Variants in SLC75A1 observed in about 807,000 individuals in gnomAD.
SLC75A1 encodes the protein major facilitator superfamily domain containing 10.
the SLC75A1 span, chr4:2,931,734 C>CT: frequency 7.1e-6 from 11 of 1,548,272 alleles, no homozygotes; most frequent in African/African-American, 1.4e-5. Flanking sequence ...GCGAGAGTGG[C>CT]TGCCAAGGCT....
the SLC75A1 span, chr4:2,932,406 G>C: frequency 6.2e-7 from 1 of 1,613,676 alleles, no homozygotes; most frequent in South Asian, 1.1e-5. Flanking sequence ...CAGCAGGTCG[G>C]AGGCTGCGAA....
the SLC75A1 span, among the ~76,000 whole-genome samples, chr4:2,933,398 A>G: frequency 6.6e-6 from 1 of 152,322 alleles, no homozygotes; most frequent in South Asian, 2.1e-4. Flanking sequence ...TGACACGCGG[A>G]GGCAAGGGAT....
chr4:2,931,758 G>A, the SLC75A1 span: 1 of 1,539,732 alleles, frequency 6.5e-7, no homozygotes, highest in Non-Finnish European at 8.9e-7. Flanking sequence ...TGGGGATGGG[G>A]GTTGCTTCCC....
chr4:2,933,876 G>A, the SLC75A1 span: 1 of 1,582,308 alleles, frequency 6.3e-7, no homozygotes, highest in African/African-American at 1.3e-5. Flanking sequence ...GCGGCTGCTG[G>A]TGGATGGGTG....
the SLC75A1 span, chr4:2,932,492 G>A: frequency 2.5e-6 from 4 of 1,613,778 alleles, no homozygotes; most frequent in South Asian, 4.4e-5. Flanking sequence ...AGCCCAGTGA[G>A]AAGGCCACCC....
the SLC75A1 span, chr4:2,932,910 C>A: frequency 9.1e-7 from 1 of 1,103,708 alleles, no homozygotes; most frequent in East Asian, 2.6e-5. Flanking sequence ...TTCCTAGGGG[C>A]CAGGAGCAGC....
At chr4:2,933,387 G>A in the SLC75A1 span, among the ~76,000 whole-genome samples, 7 of 152,216 alleles carry the variant, frequency 4.6e-5, no homozygotes, top group Non-Finnish European at 1.0e-4. Flanking sequence ...GGATCTGAAC[G>A]TGACACGCGG....
chr4:2,933,511 C>T, the SLC75A1 span: 1,102 of 1,556,488 alleles, frequency 7.1e-4, 5 homozygotes, highest in Middle Eastern at 4.9e-3. Context: ...GGCTGGACCA[C>T]GTCCACCAAA....
chr4:2,933,636 C>G, the SLC75A1 span: 15 of 1,613,732 alleles, frequency 9.3e-6, no homozygotes, highest in Non-Finnish European at 1.3e-5. Context: ...CAGTCCACCC[C>G]GCCCTGCCAG....
At chr4:2,931,111 C>T in the SLC75A1 span, 22 of 1,587,696 alleles carry the variant, frequency 1.4e-5, no homozygotes, top group Middle Eastern at 1.7e-4. Context: ...ACCTAGGCTG[C>T]GCAGTGTACC....
chr4:2,931,610 T>C, the SLC75A1 span: 4 of 1,613,572 alleles, frequency 2.5e-6, no homozygotes, highest in Non-Finnish European at 3.4e-6. Context: ...ATAGGCACCC[T>C]GGATGGTGGC....
the SLC75A1 span, chr4:2,933,580 A>G: frequency 9.3e-6 from 15 of 1,613,810 alleles, no homozygotes; most frequent in African/African-American, 1.3e-5. Context: ...CGAACAGGAC[A>G]CTGTTGTACC....
the SLC75A1 span, chr4:2,931,543 G>C: frequency 6.2e-7 from 1 of 1,609,004 alleles, no homozygotes; most frequent in Admixed American, 1.7e-5. Context: ...CGCTTTGGAG[G>C]GAGCCCCCTA....
chr4:2,931,970 CA>C, the SLC75A1 span: 7 of 1,602,828 alleles, frequency 4.4e-6, no homozygotes, highest in African/African-American at 9.4e-5. Flanking sequence ...AGAAGGCGAC[CA>C]CAGCAGGGAA....
At chr4:2,931,491 C>T in the SLC75A1 span, 2 of 1,585,906 alleles carry the variant, frequency 1.3e-6, no homozygotes, top group South Asian at 1.1e-5. Flanking sequence ...GCAGCCTCAG[C>T]ACAGCCCGTG....
At chr4:2,932,369 C>T in the SLC75A1 span, 29 of 1,613,098 alleles carry the variant, frequency 1.8e-5, no homozygotes, top group Non-Finnish European at 2.4e-5. Flanking sequence ...CCAGGGGCAG[C>T]GTCTCTGGCA....
the SLC75A1 span, chr4:2,932,331 G>A: frequency 6.2e-7 from 1 of 1,607,886 alleles, no homozygotes; most frequent in East Asian, 2.2e-5. Context: ...AGGCCTGTGG[G>A]TCCCAGACCA....
the SLC75A1 span, chr4:2,933,637 G>A: frequency 1.2e-6 from 2 of 1,613,648 alleles, no homozygotes; most frequent in African/African-American, 1.3e-5. Context: ...AGTCCACCCC[G>A]CCCTGCCAGG....
At chr4:2,931,326 C>A in the SLC75A1 span, 21 of 1,544,976 alleles carry the variant, frequency 1.4e-5, no homozygotes, top group East Asian at 5.1e-4. Context: ...GGGTGCATCA[C>A]CCAGCCCCTG....
Sources: gnomAD v4.1 joint callset for allele counts (sites outside exome capture counted in the v4.1 genomes callset) on GRCh38, gnomAD v4.1.1 for gene constraint, MANE v1.5 for transcripts, NCBI Gene and HGNC (gene_info 2026-07-23, HGNC 2026-07-21) for gene names.